Variants in FGF14 observed in about 807,000 individuals in gnomAD.
FGF14 encodes fibroblast growth factor homologous factor 4.
FGF14 carries 5 observed loss-of-function variants against 25.5 expected under a neutral mutation model. The observed-to-expected ratio is 0.20, with a 90% CI of 0.10 to 0.41. The LOEUF (loss-of-function observed/expected upper bound fraction) is 0.41, where lower values mean the gene tolerates loss of function less well. Ranked by LOEUF, FGF14 falls within the 10% of genes least tolerant of loss-of-function variation. The pLI is 1.00. For missense variants in FGF14, 222 were observed against 320.1 expected, an observed-to-expected ratio of 0.69 and a Z score of 2.34; for synonymous variants, 138 against 118.3, an observed-to-expected ratio of 1.17 and a Z score of -1.08.
intron 1 of FGF14, among the ~76,000 whole-genome samples, chr13:101,979,172 C>G (rs565375991): frequency 6.6e-6 from 1 of 152,214 alleles, no homozygotes; most frequent in Admixed American, 6.5e-5. Flanking sequence ...AGATGCTGCA[C>G]TGTTCCGTGG....
At chr13:101,917,761 G>A (rs1594724083), upstream of FGF14, among the ~76,000 whole-genome samples, 1 of 152,096 alleles carries the variant, frequency 6.6e-6, no homozygotes, top group Non-Finnish European at 1.5e-5. Context: ...GGAGCAAAAA[G>A]GAGGGAATGG....
intron 1 of FGF14, among the ~76,000 whole-genome samples, chr13:102,385,990 C>A (rs886986624): frequency 6.6e-6 from 1 of 152,092 alleles, no homozygotes; most frequent in African/African-American, 2.4e-5. Flanking sequence ...TTTACCCGAA[C>A]GTCACTTTTA....
At chr13:102,356,928 C>CACAT (rs1555405577) in intron 1 of FGF14, among the ~76,000 whole-genome samples, 1 of 142,014 alleles carries the variant, frequency 7.0e-6, no homozygotes, top group Admixed American at 7.1e-5. Context: ...CTATAAAATG[C>CACAT]ATATATATAT....
chr13:101,727,378 G>A (rs1057199890), intron 3 of FGF14, among the ~76,000 whole-genome samples: 4 of 152,098 alleles, frequency 2.6e-5, no homozygotes, highest in African/African-American at 4.8e-5. Flanking sequence ...GAGGTTAGGT[G>A]TCATGTTAGC....
At position 102,144,900 on chromosome 13, in the gene FGF14, C is replaced by A. The variant is rs545929198; in HGVS notation, c.208+256571G>T. ...ATGATCTAAATCAGAAAAGGTAAAT[C>A]ATTTTAAAAATGAATACGTTTCTAT... On this transcript the variant is annotated intron_variant, in intron 1 of 4. Transcript: ENST00000376131. 9.2e-5 allele frequency among the ~76,000 whole-genome samples: 14 copies of A among 152,200 alleles called. No individual in the cohort carries two copies. The South Asian group carries it at 2.7e-3, about 29-fold the overall frequency.
At chr13:102,333,421 T>C (rs1353977890) in intron 1 of FGF14, among the ~76,000 whole-genome samples, 2 of 152,194 alleles carry the variant, frequency 1.3e-5, no homozygotes, top group African/African-American at 2.4e-5. Context: ...CAACTTGTTA[T>C]TTGAAGATCA....
chr13:101,899,733 T>C (rs1176996495), intron 1 of FGF14, among the ~76,000 whole-genome samples: 1 of 151,992 alleles, frequency 6.6e-6, no homozygotes, highest in African/African-American at 2.4e-5. Context: ...GATATAATAA[T>C]GTTATATTAG....
chr13:102,315,897 C>T (rs1316366860), intron 1 of FGF14, among the ~76,000 whole-genome samples: 1 of 152,040 alleles, frequency 6.6e-6, no homozygotes, highest in Non-Finnish European at 1.5e-5. Context: ...TTAAAAAAAA[C>T]CTGTTGTATA....
At chr13:101,805,732 AC>A (rs2041158742) in intron 3 of FGF14, among the ~76,000 whole-genome samples, 1 of 151,906 alleles carries the variant, frequency 6.6e-6, no homozygotes, top group Middle Eastern at 3.4e-3. Flanking sequence ...CATTCTGACC[AC>A]CCCCCTTCCC....
intron 1 of FGF14, among the ~76,000 whole-genome samples, chr13:102,202,386 C>T (rs567289157): frequency 6.6e-6 from 1 of 151,928 alleles, no homozygotes; most frequent in African/African-American, 2.4e-5. Flanking sequence ...TTCTCATTCC[C>T]CCACACAAAA....
At chr13:101,744,208 G>A (rs144479246) in intron 3 of FGF14, among the ~76,000 whole-genome samples, 302 of 152,204 alleles carry the variant, frequency 2.0e-3, no homozygotes, top group African/African-American at 6.9e-3. Flanking sequence ...TATTGTATAT[G>A]TTGAAAGTAG....
At chr13:101,868,089 G>GA (rs2044827927) in intron 3 of FGF14, among the ~76,000 whole-genome samples, 1 of 151,996 alleles carries the variant, frequency 6.6e-6, no homozygotes, top group African/African-American at 2.4e-5. Context: ...AGGGATAATA[G>GA]AAAAAAGCAC....
At chr13:101,830,191 G>C (rs1431056248) in intron 3 of FGF14, among the ~76,000 whole-genome samples, 1 of 152,088 alleles carries the variant, frequency 6.6e-6, no homozygotes, top group Non-Finnish European at 1.5e-5. Context: ...TGTAGCTCTA[G>C]AGAAGTCTAG....
intron 3 of FGF14, among the ~76,000 whole-genome samples, chr13:101,742,801 C>T (rs549818830): frequency 2.2e-4 from 34 of 152,216 alleles, no homozygotes; most frequent in African/African-American, 8.2e-4. Context: ...AAGCTACATA[C>T]CTCCCTCGCA....
chr13:102,045,595 G>A (rs115420782), intron 1 of FGF14, among the ~76,000 whole-genome samples: 1 of 152,114 alleles, frequency 6.6e-6, no homozygotes, highest in African/African-American at 2.4e-5. Flanking sequence ...TAATGGAAAT[G>A]CAGAACATGT....
chr13:102,182,196 T>G (rs1273991818), intron 1 of FGF14, among the ~76,000 whole-genome samples: 1 of 152,084 alleles, frequency 6.6e-6, no homozygotes, highest in Non-Finnish European at 1.5e-5. Flanking sequence ...AGAAGCAGGT[T>G]TACAGAGACG....
At chr13:101,836,833 A>T (rs1247749616) in intron 3 of FGF14, among the ~76,000 whole-genome samples, 2 of 152,164 alleles carry the variant, frequency 1.3e-5, no homozygotes, top group East Asian at 3.9e-4. Flanking sequence ...TAATTAGTTC[A>T]CCATTTTGAT....
intron 1 of FGF14, among the ~76,000 whole-genome samples, chr13:102,352,669 G>T (rs559682554): frequency 6.6e-6 from 1 of 152,140 alleles, no homozygotes; most frequent in African/African-American, 2.4e-5. Flanking sequence ...AAAATTAGCC[G>T]GGGGCGGTGG....
chr13:102,238,818 A>C (rs1256540584), intron 1 of FGF14, among the ~76,000 whole-genome samples: 3 of 152,146 alleles, frequency 2.0e-5, no homozygotes, highest in Non-Finnish European at 4.4e-5. Context: ...GTCTCCCCTT[A>C]TTTTCCCTTA....
Sources: gnomAD v4.1 joint callset for allele counts (sites outside exome capture counted in the v4.1 genomes callset) on GRCh38, gnomAD v4.1.1 for gene constraint, MANE v1.5 for transcripts, NCBI Gene and HGNC (gene_info 2026-07-23, HGNC 2026-07-21) for gene names.